The following SLCO4A1 variants were observed in gnomAD, a reference collection of about 807,000 sequenced individuals.
SLCO4A1 encodes colon organic anion transporter.
A neutral mutation model predicts 64.6 loss-of-function variants in SLCO4A1; 51 were observed. The ratio of observed to expected loss-of-function variants is 0.79; its 90% confidence interval spans 0.63 to 1.00. The LOEUF (loss-of-function observed/expected upper bound fraction) is 1.00. Among genes scored for constraint, SLCO4A1 ranks in the 50% least tolerant of loss-of-function variants. SLCO4A1 has a pLI of 0.00. For missense variants in SLCO4A1, 919 were observed against 980.5 expected (o/e 0.94, Z 0.84); for synonymous variants, 471 against 444.9 (o/e 1.06, Z -0.74).
intron 2 of SLCO4A1, among the ~76,000 whole-genome samples, chr20:62,683,914 A>C (rs889432588): frequency 7.1e-6 from 1 of 140,852 alleles, no homozygotes; most frequent in Non-Finnish European, 1.5e-5. Flanking sequence ...ACGCTCACGC[A>C]ACGATCTCAC....
intron 6 of SLCO4A1, chr20:62,665,337 C>T (rs1290492054): frequency 4.3e-6 from 2 of 465,710 alleles, no homozygotes; most frequent in East Asian, 3.6e-5. Context: ...GTGGGCTCCA[C>T]CCCCTAGCCA....
At position 62,668,484 on chromosome 20, in the gene SLCO4A1, C is replaced by T. The variant is rs142513702; in HGVS notation, c.1819C>T (p.Arg607Cys). 1.5e-5 allele frequency: 24 copies of T among 1,613,832 alleles called. No individual in the cohort carries two copies. In the African/African-American group the frequency reaches 2.1e-4, roughly 14 times the overall value. The change falls in exon 10 of 12, where the codon CGT becomes TGT. Residue 607 changes from arginine to cysteine, a missense_variant. Arg to Cys is a radical substitution (Grantham distance 180). Coordinates refer to ENST00000217159, the MANE Select transcript of SLCO4A1 (RefSeq NM_016354.4). ...TGTGGTTTTCTATTGCAGATGTGTC[C>T]GTGACCCTCAGAGATCCTTTGCCCT... ...PALTATLRCV[R>C]DPQRSFALGI...
intron 1 of SLCO4A1, among the ~76,000 whole-genome samples, chr20:62,654,768 G>A (rs536927316): frequency 6.6e-6 from 1 of 152,164 alleles, no homozygotes; most frequent in South Asian, 2.1e-4. Context: ...ACACGCCACC[G>A]CCCACCCCAC....
chr20:62,661,024 C>CCCCCAGG lies in SLCO4A1; in HGVS notation c.1010-34_1010-33insGCCCCAG. On this transcript the variant is annotated intron_variant, in intron 4 of 11. Transcript: ENST00000217159. This position sits in a 1 kb window ranked among gnomAD's most constrained non-coding sequence, Gnocchi z 5.2. Reference sequence around the variant, plus strand: ...TCTCGGAGAAGTCCACCTCCGGGAGCCCCCAGCCCCCAGCCCCAGCTCACT... The same window carrying CCCCCAGG: ...TCTCGGAGAAGTCCACCTCCGGGAGCCCCCAGGCCCCAGCCCCCAGCCCCAGCTCACT... 3 of 503,468 alleles carry CCCCCAGG rather than the reference C, an allele frequency of 6.0e-6. 1 individual carries two copies. The highest frequency in any genetic ancestry group is 4.3e-5 in the Admixed American group (2 of 46,744). The allele number at this position is 503,468 out of a possible 1,614,324, so 31.2% of individuals were successfully genotyped here. A position where few individuals can be genotyped will look rare whatever the true frequency, so the allele number is the denominator to read the frequency against.
chr20:62,642,659 G>C (rs1980572603), intron 1 of SLCO4A1, 106 bp downstream of exon 1: 1 of 167,882 alleles, frequency 6.0e-6, no homozygotes, highest in Non-Finnish European at 1.3e-5. Flanking sequence ...GGAGCGCCGG[G>C]GGGATGCGCG....
At position 62,685,318 on chromosome 20, in the gene SLCO4A1, C is replaced by T. The variant is rs767122519; in HGVS notation, n.212-123C>T. 34 of 356,908 alleles carry T rather than the reference C, an allele frequency of 9.5e-5. No individual in the cohort carries two copies. Among genetic ancestry groups the T allele is most frequent in the Non-Finnish European group, 1.2e-4 (31 of 255,778 alleles). The allele number at this position is 356,908 out of a possible 1,614,324, so 22.1% of individuals were successfully genotyped here. A position where few individuals can be genotyped will look rare whatever the true frequency, so the allele number is the denominator to read the frequency against. On this transcript the variant is annotated intron_variant and non_coding_transcript_variant, in intron 2 of 2. Coordinates refer to the SLCO4A1 transcript ENST00000466818. This position sits in a 1 kb window ranked among gnomAD's most constrained non-coding sequence, Gnocchi z 4.6. ...GGCTGCCCTGGCTGCCCCCCGACACCTTCCCCAGCTGGTCGGTGCCCAAGG... is the reference window on the plus strand; with the variant it reads ...GGCTGCCCTGGCTGCCCCCCGACACTTTCCCCAGCTGGTCGGTGCCCAAGG...
rs373121417 is a variant in SLCO4A1 at position 62,660,414 on chromosome 20, C to T, written c.890C>T (p.Thr297Met). 4.0e-5 allele frequency: 63 copies of T among 1,574,364 alleles called. No homozygotes were observed. The highest frequency in any genetic ancestry group is 1.7e-4 in the Middle Eastern group (1 of 6,034). The change falls in exon 4 of 12, where the codon ACG becomes ATG. Residue 297 changes from threonine (T) to methionine (M), a missense_variant and splice_region_variant. Thr to Met is a moderately conservative substitution (Grantham distance 81). Coordinates refer to ENST00000217159, the MANE Select transcript of SLCO4A1 (RefSeq NM_016354.4). ...AGGTGCCACTGCCTCTTCCACAGGA[C>T]GGAGCTGACCACCGAGAGCCCACTG... ...LNIYTEMGRR[T>M]ELTTESPLWV...
At chr20:62,643,456 G>T (rs914068449) in intron 1 of SLCO4A1, among the ~76,000 whole-genome samples, 2 of 152,276 alleles carry the variant, frequency 1.3e-5, no homozygotes, top group African/African-American at 4.8e-5. Context: ...CCGCGTGGTT[G>T]GTGAACCCTC....
Position 62,667,787 on chromosome 20 carries a change from C to A in SLCO4A1, c.1515C>A (p.Asn505Lys). 6.2e-7 allele frequency: 1 copy of A among 1,611,918 alleles called. No homozygotes were observed. Among genetic ancestry groups the A allele is most frequent in the South Asian group, 1.1e-5 (1 of 91,030 alleles). ...ACCTGAACCTAACGGCTCCCTGCAA[C>A]GCTGCCTGCAGCTGCCAGCCAGAAC... ...EGHLNLTAPCNAACSCQPEHY... is the reference protein window; with the variant it reads ...EGHLNLTAPCKAACSCQPEHY... Residue 505 changes from asparagine (N) to lysine (K), a missense_variant, in exon 8 of 12, where the codon AAC (asparagine) becomes AAA (lysine). Physicochemically the swap from Asn to Lys is moderately conservative, Grantham distance 94 (BLOSUM62 0). Transcript: ENST00000217159.
chr20:62,677,853 A>C (rs1938485251), intron 2 of SLCO4A1, among the ~76,000 whole-genome samples: 1 of 152,264 alleles, frequency 6.6e-6, no homozygotes, highest in African/African-American at 2.4e-5. Context: ...GCTGTCAGCC[A>C]GGCCGAGTCC....
Position 62,658,714 on chromosome 20 carries a change from C to T in SLCO4A1, c.834C>T (p.Ala278=), listed in dbSNP as rs144204634. ...FYTAAILGPA[A]GYLIGGALLN... ...CAGCGGCCATCCTGGGCCCAGCTGC[C>T]GGCTACCTGATTGGAGGTGCCCTGC... The change falls in exon 3 of 12, where the codon GCC becomes GCT. Residue 278 remains alanine (A), a synonymous_variant. Transcript: ENST00000217159. 5.8e-4 allele frequency: 929 copies of T among 1,612,310 alleles called. 4 individuals are homozygous for T. In the African/African-American group the frequency reaches 0.011, roughly 19 times the overall value.
intron 3 of SLCO4A1, among the ~76,000 whole-genome samples, chr20:62,660,174 G>A (rs1279039053): frequency 6.6e-6 from 1 of 152,218 alleles, no homozygotes; most frequent in African/African-American, 2.4e-5. Flanking sequence ...GCCCTGGAGC[G>A]TGGGCCAAGG....
intron 2 of SLCO4A1, among the ~76,000 whole-genome samples, chr20:62,681,189 T>A (rs566776796): frequency 6.6e-6 from 1 of 152,348 alleles, no homozygotes; most frequent in East Asian, 1.9e-4. Flanking sequence ...CCTGGCCTTC[T>A]TTTCTTTAAG....
intron 1 of SLCO4A1, among the ~76,000 whole-genome samples, chr20:62,646,629 A>G (rs1981385691): frequency 6.6e-6 from 1 of 152,234 alleles, no homozygotes; most frequent in South Asian, 2.1e-4. Flanking sequence ...GGGGCCGGAC[A>G]GGGTGGATTT....
At chr20:62,662,604 G>A (rs1295850756) in intron 5 of SLCO4A1, among the ~76,000 whole-genome samples, 1 of 152,210 alleles carries the variant, frequency 6.6e-6, no homozygotes, top group African/African-American at 2.4e-5. Context: ...TTTCAGCCGA[G>A]CAATCAGTGA....
At chr20:62,673,336 G>A (rs1007495382), downstream of SLCO4A1, among the ~76,000 whole-genome samples, 2 of 143,294 alleles carry the variant, frequency 1.4e-5, 1 homozygote, top group African/African-American at 5.0e-5. Flanking sequence ...GGGAGGACGA[G>A]GAACCTCACC....
In SLCO4A1 at chr20:62,685,586, G is replaced by T. The variant is rs1988033038; in HGVS notation, n.357G>T. The T allele has an allele frequency of 6.0e-6, 2 of 333,674 alleles. No individual in the cohort carries two copies. Among genetic ancestry groups the T allele is most frequent in the Admixed American group, 1.3e-4 (2 of 15,504 alleles). The allele number at this position is 333,674 out of a possible 1,614,324, so 20.7% of individuals were successfully genotyped here. A position where few individuals can be genotyped will look rare whatever the true frequency, so the allele number is the denominator to read the frequency against. On this transcript the variant is annotated non_coding_transcript_exon_variant, in exon 3 of 3. Transcript: ENST00000466818. The surrounding 1 kb of genome is among the most constrained non-coding windows in gnomAD (Gnocchi z 4.6). ...TTCCAGAGCAGGCTTTCTCTAGAGG[G>T]TGGACTGCCTGTGTTCTCCTGGGAG...
In SLCO4A1 at chr20:62,644,849, C is replaced by T. The variant is rs1034014070; in HGVS notation, c.-97+2296C>T. Among the ~76,000 whole-genome samples, 3 of 152,222 alleles carry T rather than the reference C, an allele frequency of 2.0e-5. No homozygotes were observed. Among genetic ancestry groups the T allele is most frequent in the African/African-American group, 7.2e-5 (3 of 41,468 alleles). On this transcript the variant is annotated intron_variant, in intron 1 of 11. Transcript: ENST00000217159. The surrounding 1 kb of genome is among the most constrained non-coding windows in gnomAD (Gnocchi z 5.4). ...ATGGTTGTAGGTGGTCAGAGATGAG[C>T]CACAGAAAAGCCAACGTGCAGCCTG...
chr20:62,661,307 C>A lies in SLCO4A1; in HGVS notation c.1121+132C>A. The A allele has an allele frequency of 3.0e-6, 2 of 667,788 alleles. No individual in the cohort carries two copies. Among genetic ancestry groups the A allele is most frequent in the Admixed American group, 2.4e-5 (1 of 42,452 alleles). The allele number at this position is 667,788 out of a possible 1,614,324, so 41.4% of individuals were successfully genotyped here. ...CCTAACCTCTGTCGTGACCCTGGGC[C>A]AAGAGATTAAGGAGCAACAGATAGA... is the stretch of plus-strand genomic sequence containing the variant. On this transcript the variant is annotated intron_variant, in intron 5 of 11. Coordinates refer to ENST00000217159, the MANE Select transcript of SLCO4A1 (RefSeq NM_016354.4). This position sits in a 1 kb window ranked among gnomAD's most constrained non-coding sequence, Gnocchi z 5.2.
Sources: gnomAD v4.1 joint callset for allele counts (sites outside exome capture counted in the v4.1 genomes callset) on GRCh38, gnomAD v4.1.1 for gene constraint, Gnocchi (gnomAD v3.1) non-coding constraint, MANE v1.5 for transcripts, NCBI Gene and HGNC (gene_info 2026-07-23, HGNC 2026-07-21) for gene names.